TERF1: variants seen among roughly 807,000 people sequenced by gnomAD.
The protein encoded by TERF1 is telomeric repeat-binding factor 1.
Under a neutral mutation model 55.1 loss-of-function variants are expected in TERF1, and 20 were observed. The ratio of observed to expected loss-of-function variants is 0.36; its 90% CI spans 0.26 to 0.53. TERF1 has a LOEUF of 0.53. Ranked by LOEUF, TERF1 falls within the 20% of genes least tolerant of loss-of-function variation. The pLI is 0.91. For synonymous variants in TERF1, 168 were observed against 181.2 expected (o/e 0.93, Z 0.59); for missense variants, 439 against 535.7 (o/e 0.82, Z 1.78).
intron 1 of TERF1, chr8:73,009,747 A>G (rs757922840): frequency 6.5e-6 from 1 of 153,322 alleles, no homozygotes; most frequent in South Asian, 2.0e-4. Flanking sequence ...CTTGAACCCA[A>G]GAGGCAGAGG....
At chr8:73,044,912 T>C (rs1315837437) in intron 9 of TERF1, among the ~76,000 whole-genome samples, 2 of 152,200 alleles carry the variant, frequency 1.3e-5, no homozygotes, top group Non-Finnish European at 2.9e-5. Context: ...TAATTTTGTT[T>C]ATCCATTTAT....
At chr8:73,034,363 C>T (rs137986613) in intron 8 of TERF1, among the ~76,000 whole-genome samples, 127 of 152,080 alleles carry the variant, frequency 8.4e-4, no homozygotes, top group African/African-American at 2.8e-3. Flanking sequence ...AACTCCTAAC[C>T]TCAGGCAATC....
chr8:73,014,650 T>C (rs898716545), intron 2 of TERF1, among the ~76,000 whole-genome samples: 2 of 152,244 alleles, frequency 1.3e-5, no homozygotes, highest in African/African-American at 4.8e-5. Context: ...TGTATTTAGA[T>C]TGGTTTTTAT....
At chr8:73,038,120 T>G (rs1421503572) in intron 8 of TERF1, among the ~76,000 whole-genome samples, 1 of 151,206 alleles carries the variant, frequency 6.6e-6, no homozygotes, top group Non-Finnish European at 1.5e-5. Flanking sequence ...TAAAGCTTTA[T>G]AATTTACTAC....
At chr8:73,042,930 T>C (rs536510533) in intron 9 of TERF1, 1 of 152,336 alleles carries the variant, frequency 6.6e-6, no homozygotes, top group African/African-American at 2.4e-5. Flanking sequence ...GGGTTTAATG[T>C]CCAGAAATAC....
intron 8 of TERF1, chr8:73,038,687 C>A (rs1809706173): frequency 8.1e-6 from 6 of 741,032 alleles, no homozygotes; most frequent in African/African-American, 1.9e-5. Flanking sequence ...TCAGTAATTA[C>A]AGTTCTGTTT....
chr8:73,040,392 A>G (rs529075929), intron 9 of TERF1, among the ~76,000 whole-genome samples: 1 of 152,252 alleles, frequency 6.6e-6, no homozygotes, highest in African/African-American at 2.4e-5. Flanking sequence ...CTTTCTACCT[A>G]CATTATGGTT....
chr8:73,009,433 C>G (rs1054065269), intron 1 of TERF1: 3 of 565,128 alleles, frequency 5.3e-6, no homozygotes, highest in Admixed American at 6.8e-5. Context: ...AAAATAAGAC[C>G]CTGTTTAGGT....
intron 2 of TERF1, among the ~76,000 whole-genome samples, chr8:73,016,437 CTTTT>C (rs1203829786): frequency 1.5e-5 from 2 of 135,698 alleles, no homozygotes; most frequent in Non-Finnish European, 1.6e-5. Flanking sequence ...GAACTTTAAG[CTTTT>C]TTTTTTTTTT....
At chr8:73,010,700 G>A (rs1196943083) in intron 1 of TERF1, 1 of 152,218 alleles carries the variant, frequency 6.6e-6, no homozygotes, top group Non-Finnish European at 1.5e-5. Context: ...GAATTGAGCA[G>A]TTGGGGGTTG....
intron 8 of TERF1, among the ~76,000 whole-genome samples, chr8:73,037,834 T>A (rs1257385540): frequency 1.0e-5 from 1 of 99,246 alleles, no homozygotes; most frequent in Non-Finnish European, 1.9e-5. Context: ...TATAGTATAA[T>A]AATATATATA....
chr8:73,010,099 G>A (rs1808226414), intron 1 of TERF1: 1 of 152,120 alleles, frequency 6.6e-6, no homozygotes. Context: ...AGATGTTCTG[G>A]TACTTCATTC....
In TERF1 at chr8:73,047,231, G is replaced by C. The variant is rs1328897357; in HGVS notation, c.*1094G>C. 1.3e-5 allele frequency: 2 copies of C among 151,886 alleles called. No individual in the cohort carries two copies. The highest frequency in any genetic ancestry group is 4.8e-5 in the African/African-American group (2 of 41,338). 9.4% of individuals were successfully genotyped at this position (151,886 alleles called of 1,614,324 possible). ...GAAAAAGACAATAGTATTACCCATG[G>C]GACAAAATTTGTACTATTAGCAAGA... On this transcript the variant is annotated 3_prime_UTR_variant, in exon 10 of 10. Transcript: ENST00000276603.
At chr8:73,034,109 AC>A (rs1809411692) in intron 8 of TERF1, among the ~76,000 whole-genome samples, 1 of 130,204 alleles carries the variant, frequency 7.7e-6, no homozygotes, top group African/African-American at 3.0e-5. Context: ...ATGCCGCCAC[AC>A]CCTGCTATTT....
At chr8:73,022,498 A>G (rs545139092) in intron 4 of TERF1, among the ~76,000 whole-genome samples, 196 bp downstream of exon 4, 62 of 152,174 alleles carry the variant, frequency 4.1e-4, no homozygotes, top group Non-Finnish European at 7.1e-4. Flanking sequence ...GCTTACACCT[A>G]TAATTCCAGC....
At chr8:73,014,425 C>G (rs1808409008) in intron 2 of TERF1, among the ~76,000 whole-genome samples, 2 of 94,078 alleles carry the variant, frequency 2.1e-5, no homozygotes, top group Admixed American at 9.0e-5. Context: ...CAATCATACA[C>G]ACTCTGTTTT....
chr8:73,013,083 A>G (rs1808348536), intron 1 of TERF1, among the ~76,000 whole-genome samples: 1 of 152,212 alleles, frequency 6.6e-6, no homozygotes, highest in Non-Finnish European at 1.5e-5. Context: ...GGGTAAAAAT[A>G]TATTCGTCTT....
rs79872206 is a variant in TERF1 at position 73,016,576 on chromosome 8, G to A, written c.415+2586G>A. ...GCCTCCTGAGTAGCTAGGACTACAG[G>A]TGCACCATCAGGCCCAGTTAATTTT... On this transcript the variant is annotated intron_variant, in intron 2 of 9. Coordinates refer to ENST00000276603, the MANE Select transcript of TERF1 (RefSeq NM_017489.3). 8.3e-3 allele frequency among the ~76,000 whole-genome samples: 1,260 copies of A among 152,056 alleles called. 12 individuals are homozygous for A. The highest frequency in any genetic ancestry group is 0.024 in the Middle Eastern group (7 of 294).
At position 73,046,968 on chromosome 8, in the gene TERF1, GA is replaced by G. The variant is rs899968685; in HGVS notation, c.*838del. On this transcript the variant is annotated 3_prime_UTR_variant, in exon 10 of 10. Transcript: ENST00000276603. ...TTTGCTTTCAGTAGTTTCATGTAAAGAAAAAAACTTGAAAATAGTAATACCT... is the reference window on the plus strand; with the variant it reads ...TTTGCTTTCAGTAGTTTCATGTAAAGAAAAAACTTGAAAATAGTAATACCT... The G allele has an allele frequency of 2.6e-5, 4 of 152,046 alleles. No individual in the cohort carries two copies. The highest frequency in any genetic ancestry group is 5.9e-5 in the Non-Finnish European group (4 of 68,000). 9.4% of individuals were successfully genotyped at this position (152,046 alleles called of 1,614,324 possible).
Sources: gnomAD v4.1 joint callset for allele counts (sites outside exome capture counted in the v4.1 genomes callset) on GRCh38, gnomAD v4.1.1 for gene constraint, MANE v1.5 for transcripts, NCBI Gene and HGNC (gene_info 2026-07-23, HGNC 2026-07-21) for gene names.